NCOR1: variants seen among roughly 807,000 people sequenced by gnomAD.
NCOR1 encodes the protein protein phosphatase 1, regulatory subunit 109.
In NCOR1, 63 loss-of-function variants were observed where a neutral mutation model predicts 288.1. The observed-to-expected ratio is 0.22, with a 90% CI of 0.18 to 0.27. NCOR1 has a LOEUF of 0.27. Ranked by LOEUF, NCOR1 falls within the 10% of genes least tolerant of loss-of-function variation. NCOR1 has a pLI of 1.00. For synonymous variants in NCOR1, 1,007 were observed against 1,065.9 expected, an observed-to-expected ratio of 0.94 and a Z score of 1.08; for missense variants, 2,397 against 3,019.2, an observed-to-expected ratio of 0.79 and a Z score of 4.83.
intron 13 of NCOR1, 172 bp downstream of exon 13, chr17:16,137,984 CTG>C: frequency 1.9e-6 from 1 of 538,738 alleles, no homozygotes; most frequent in Non-Finnish European, 3.2e-6. Context: ...GTTCTGTGTT[CTG>C]TGTTACGATT....
chr17:16,186,115 T>A (rs1398738318), intron 3 of NCOR1, among the ~76,000 whole-genome samples: 1 of 152,122 alleles, frequency 6.6e-6, no homozygotes, highest in African/African-American at 2.4e-5. Flanking sequence ...TCCATTTTTA[T>A]AGGAGGGAAA....
chr17:16,039,445 A>G lies in NCOR1; in HGVS notation c.6943T>C (p.Ser2315Pro). The change falls in exon 44 of 46, where the codon TCA (serine) becomes CCA (proline). Residue 2315 changes from serine (S) to proline (P), a missense_variant. By Grantham distance (74) the Ser-to-Pro change is moderately conservative. Transcript: ENST00000268712. Reference sequence around the variant, plus strand: ...ATGAAAGCTGTACCTGAATGAGGTGATGGGTCCCCTTCCTCTCTTCGTGTC... The same window carrying G: ...ATGAAAGCTGTACCTGAATGAGGTGGTGGGTCCCCTTCCTCTCTTCGTGTC... ...GETRREEGDP[S>P]PHSGGVCKPK... is the part of the protein sequence containing the mutation. 6.2e-7 allele frequency: 1 copy of G among 1,613,886 alleles called. No homozygotes were observed. Among genetic ancestry groups the G allele is most frequent in the Non-Finnish European group, 8.5e-7 (1 of 1,179,950 alleles).
chr17:16,107,688 ACT>A (rs1287514815), intron 19 of NCOR1, among the ~76,000 whole-genome samples: 6 of 151,868 alleles, frequency 4.0e-5, no homozygotes, highest in Non-Finnish European at 8.8e-5. Flanking sequence ...AAACCAAGAG[ACT>A]CTGACAACCT....
intron 21 of NCOR1, among the ~76,000 whole-genome samples, chr17:16,095,124 G>A (rs1242632301): frequency 1.1e-4 from 17 of 151,528 alleles, no homozygotes; most frequent in Admixed American, 5.3e-4. Context: ...AGTGAGCAGC[G>A]CCTCTTCCCG....
At chr17:16,135,299 A>C (rs945145290) in intron 14 of NCOR1, among the ~76,000 whole-genome samples, 3 of 151,922 alleles carry the variant, frequency 2.0e-5, no homozygotes, top group Non-Finnish European at 4.4e-5. Flanking sequence ...CCCTGGCAAT[A>C]TTCTTCTCTC....
chr17:16,109,188 A>G (rs984315978), intron 18 of NCOR1, among the ~76,000 whole-genome samples: 1 of 152,106 alleles, frequency 6.6e-6, no homozygotes, highest in Non-Finnish European at 1.5e-5. Flanking sequence ...AAAAGCCAAA[A>G]ATCACATACC....
intron 5 of NCOR1, among the ~76,000 whole-genome samples, chr17:16,161,136 G>A (rs1299281116): frequency 6.6e-6 from 1 of 151,744 alleles, no homozygotes; most frequent in African/African-American, 2.4e-5. Flanking sequence ...TAGAATCCTT[G>A]TTAAGGAATA....
At chr17:16,108,647 GT>G in intron 19 of NCOR1, 138 bp downstream of exon 19, 1 of 569,598 alleles carries the variant, frequency 1.8e-6, no homozygotes, top group Non-Finnish European at 2.8e-6. Flanking sequence ...AAAACATTAT[GT>G]TCAAGTTTGA....
intron 40 of NCOR1, among the ~76,000 whole-genome samples, chr17:16,052,305 T>C (rs930579432): frequency 1.3e-5 from 2 of 152,038 alleles, no homozygotes; most frequent in Non-Finnish European, 1.5e-5. Flanking sequence ...ATTAGAGGCA[T>C]GAGCCACGGC....
intron 15 of NCOR1, among the ~76,000 whole-genome samples, chr17:16,124,867 A>C (rs1463337141): frequency 5.3e-5 from 8 of 152,294 alleles, no homozygotes; most frequent in African/African-American, 1.9e-4. Flanking sequence ...AGGCTCAAAA[A>C]CAGAACCTGA....
At chr17:16,214,786 A>G (rs2153634649) in intron 1 of NCOR1, among the ~76,000 whole-genome samples, 1 of 152,362 alleles carries the variant, frequency 6.6e-6, no homozygotes, top group South Asian at 2.1e-4. Flanking sequence ...ACTTCGCTTA[A>G]GAAAACACCA....
In NCOR1 at chr17:16,146,269, G is replaced by C. The variant is rs985832317; in HGVS notation, c.1082+107C>G. ...ATGACCCTGCCAAATCCCCCTCTCCGAGAAACACCCAAGAATGATCAATAC... is the reference window on the plus strand; with the variant it reads ...ATGACCCTGCCAAATCCCCCTCTCCCAGAAACACCCAAGAATGATCAATAC... On this transcript the variant is annotated intron_variant, in intron 10 of 45. Transcript: ENST00000268712. The C allele has an allele frequency of 4.9e-6, 5 of 1,018,960 alleles. No homozygotes were observed. In the Admixed American group the frequency reaches 1.1e-4, roughly 22 times the overall value. The allele number at this position is 1,018,960 out of a possible 1,614,324, so 63.1% of individuals were successfully genotyped here.
Position 16,091,982 on chromosome 17 carries a change from G to T in NCOR1, c.2897C>A (p.Ala966Glu). The T allele has an allele frequency of 6.2e-7, 1 of 1,614,172 alleles. No homozygotes were observed. The highest frequency in any genetic ancestry group is 8.5e-7 in the Non-Finnish European group (1 of 1,180,030). ...GYALYQRHIKAMHESALLEEQ... is the reference protein window; with the variant it reads ...GYALYQRHIKEMHESALLEEQ... ...CTCCAGGAGTGCTGACTCATGCATT[G>T]CTTTAATGTGTCGCTGGTAGAGAGC... The change falls in exon 22 of 46, where the codon GCA (alanine) becomes GAA (glutamate). Residue 966 changes from alanine to glutamate, a missense_variant. By Grantham distance (107) the Ala-to-Glu change is moderately radical. Coordinates refer to ENST00000268712, the MANE Select transcript of NCOR1 (RefSeq NM_006311.4).
At chr17:16,153,285 A>T (rs1334293845) in intron 7 of NCOR1, 54 bp downstream of exon 7, 3 of 1,298,142 alleles carry the variant, frequency 2.3e-6, no homozygotes, top group African/African-American at 1.5e-5. Context: ...CCCAAGAAAA[A>T]CTACCACCAA....
At chr17:16,135,372 T>C (rs544349315) in intron 14 of NCOR1, among the ~76,000 whole-genome samples, 1 of 152,248 alleles carries the variant, frequency 6.6e-6, no homozygotes, top group East Asian at 1.9e-4. Context: ...TGTCAGTACA[T>C]CTTTATGAAG....
In NCOR1 at chr17:16,093,903, AT is replaced by A. The variant is rs565336160; in HGVS notation, c.2821-1846del. Among the ~76,000 whole-genome samples the A allele has an allele frequency of 1.5e-3, 231 of 151,892 alleles. 1 individual carries two copies. Among genetic ancestry groups the A allele is most frequent in the African/African-American group, 4.2e-3 (172 of 41,426 alleles). The stretch of plus-strand genomic sequence containing the variant: ...TTAATTCATTTTAACCTTTACGATA[AT>A]TTTTTTTAATGCCTTTTTTTTGAGA... On this transcript the variant is annotated intron_variant, in intron 21 of 45. Transcript: ENST00000268712.
At chr17:16,073,622 T>C in intron 27 of NCOR1, 53 bp from the exon 28 acceptor site, 1 of 1,429,074 alleles carries the variant, frequency 7.0e-7, no homozygotes, top group Non-Finnish European at 9.2e-7. Context: ...GTATACAATG[T>C]ACAGTAAATA....
chr17:16,040,581 T>C, intron 42 of NCOR1, 87 bp from the exon 43 acceptor site: 1 of 1,089,444 alleles, frequency 9.2e-7, no homozygotes, highest in Non-Finnish European at 1.3e-6. Flanking sequence ...ATAATAAAAT[T>C]AATCTTTTTA....
chr17:16,192,901 C>G (rs2088822183), intron 2 of NCOR1, among the ~76,000 whole-genome samples: 2 of 152,048 alleles, frequency 1.3e-5, no homozygotes, highest in African/African-American at 4.8e-5. Context: ...ATGGATAGAT[C>G]ACAGAAGTAT....
Sources: allele counts gnomAD v4.1 joint callset (sites outside exome capture counted in the v4.1 genomes callset), GRCh38; gene constraint gnomAD v4.1.1; transcripts MANE v1.5; gene names NCBI Gene and HGNC (gene_info 2026-07-23, HGNC 2026-07-21).